The following ANO10 variants were observed in gnomAD, a reference collection of about 807,000 sequenced individuals.
ANO10 encodes anoctamin-10.
ANO10 carries 77 observed loss-of-function variants against 74.7 expected under a neutral mutation model. That is an observed-to-expected ratio of 1.03 (90% CI 0.86 to 1.25). The LOEUF (loss-of-function observed/expected upper bound fraction) is 1.25, where lower values mean the gene tolerates loss of function less well. Among genes scored for constraint, ANO10 ranks in the 50% most tolerant of loss-of-function variants. The pLI is 0.00. For synonymous variants in ANO10, 279 were observed against 284.9 expected (o/e 0.98, Z 0.21); for missense variants, 721 against 778.1 (o/e 0.93, Z 0.87).
intron 5 of ANO10, 119 bp downstream of exon 5, chr3:43,580,234 G>C: frequency 7.4e-7 from 1 of 1,346,036 alleles, no homozygotes; most frequent in Non-Finnish European, 1.1e-6. Flanking sequence ...ACATGTAGCT[G>C]GTGATCCCTG....
intron 11 of ANO10, chr3:43,485,780 G>T: frequency 4.0e-6 from 1 of 248,678 alleles, no homozygotes; most frequent in South Asian, 4.3e-5. Flanking sequence ...ATGATTAGGC[G>T]CAAAGATTTG....
intron 12 of ANO10, among the ~76,000 whole-genome samples, chr3:43,379,203 C>T (rs1464630806): frequency 6.6e-6 from 1 of 152,226 alleles, no homozygotes; most frequent in African/African-American, 2.4e-5. Context: ...TCTTGGGATA[C>T]ATACAGCACT....
chr3:43,543,531 G>T (rs2079046817), intron 11 of ANO10, among the ~76,000 whole-genome samples: 1 of 152,156 alleles, frequency 6.6e-6, no homozygotes, highest in African/African-American at 2.4e-5. Context: ...TGGGACTACA[G>T]GCGCCCGCCA....
intron 11 of ANO10, among the ~76,000 whole-genome samples, chr3:43,453,184 T>C (rs971887626): frequency 1.7e-4 from 26 of 150,964 alleles, no homozygotes; most frequent in South Asian, 4.2e-4. Context: ...TCCCCCTTTT[T>C]TTTTTTTTTT....
chr3:43,530,669 T>G (rs949546949), intron 11 of ANO10, among the ~76,000 whole-genome samples: 1 of 152,054 alleles, frequency 6.6e-6, no homozygotes, highest in Non-Finnish European at 1.5e-5. Flanking sequence ...AGAGACCCCA[T>G]GTTCACATAA....
At chr3:43,617,033 C>T (rs1016136734) in intron 1 of ANO10, among the ~76,000 whole-genome samples, 8 of 150,944 alleles carry the variant, frequency 5.3e-5, no homozygotes, top group African/African-American at 1.5e-4. Context: ...GGCTCAATGA[C>T]GTAAATATCA....
At chr3:43,675,289 T>C (rs148146534) in intron 1 of ANO10, among the ~76,000 whole-genome samples, 2 of 152,166 alleles carry the variant, frequency 1.3e-5, no homozygotes, top group African/African-American at 4.8e-5. Flanking sequence ...GAAAAAAACA[T>C]AGGAGAAACA....
chr3:43,612,180 A>ATATATATATATATATG (rs2082865643), intron 1 of ANO10, among the ~76,000 whole-genome samples: 1 of 124,566 alleles, frequency 8.0e-6, no homozygotes, highest in Non-Finnish European at 1.7e-5. Flanking sequence ...ATATATATAT[A>ATATATATATATATATG]TATATGCCCA....
intron 12 of ANO10, among the ~76,000 whole-genome samples, chr3:43,372,020 A>G (rs2091630499): frequency 6.6e-6 from 1 of 152,212 alleles, no homozygotes; most frequent in Non-Finnish European, 1.5e-5. Context: ...GCAGCCTGTC[A>G]GGCGGTCCTG....
In ANO10 at chr3:43,366,942, C is replaced by T. The variant is rs1306204216; in HGVS notation, c.1947G>A (p.Glu649=). Residue 649 remains glutamate (E), a synonymous_variant, in exon 13 of 13, where the codon GAG becomes GAA. Coordinates refer to ENST00000292246, the MANE Select transcript of ANO10 (RefSeq NM_018075.5). ...QMKLVTENLK[E]EPMESGKEKA... is the part of the protein sequence containing the mutation. ...TCTCCTTCCCGCTTTCCATTGGTTC[C>T]TCCTTCAGGTTCTCGGTCACGAGCT... The T allele has an allele frequency of 1.2e-6, 2 of 1,601,672 alleles. No individual in the cohort carries two copies. Among genetic ancestry groups the T allele is most frequent in the South Asian group, 1.1e-5 (1 of 88,584 alleles).
chr3:43,529,524 A>G (rs1294337779), intron 11 of ANO10, among the ~76,000 whole-genome samples: 1 of 152,184 alleles, frequency 6.6e-6, no homozygotes, highest in Non-Finnish European at 1.5e-5. Context: ...TCATAGAACA[A>G]AGGGGAAAAG....
intron 1 of ANO10, among the ~76,000 whole-genome samples, chr3:43,619,944 C>T (rs892119003): frequency 6.6e-5 from 10 of 150,894 alleles, no homozygotes; most frequent in African/African-American, 1.5e-4. Context: ...AAAACTCATA[C>T]ACATTAAAAA....
intron 2 of ANO10, among the ~76,000 whole-genome samples, chr3:43,602,363 T>C (rs2082372995): frequency 6.6e-6 from 1 of 152,130 alleles, no homozygotes; most frequent in Non-Finnish European, 1.5e-5. Context: ...TTTGAGACAG[T>C]GTCTCACTCT....
At chr3:43,519,833 C>T (rs568698422) in intron 11 of ANO10, among the ~76,000 whole-genome samples, 4 of 152,092 alleles carry the variant, frequency 2.6e-5, no homozygotes, top group Non-Finnish European at 5.9e-5. Flanking sequence ...CTGAACTTTA[C>T]ATTTTTCTTA....
At chr3:43,671,055 CCTCT>C (rs2084053475) in intron 1 of ANO10, among the ~76,000 whole-genome samples, 1 of 152,074 alleles carries the variant, frequency 6.6e-6, no homozygotes, top group African/African-American at 2.4e-5. Context: ...AGTAATAGAA[CCTCT>C]CTATTCTCTG....
intron 3 of ANO10, among the ~76,000 whole-genome samples, chr3:43,599,874 C>T (rs905891897): frequency 3.3e-5 from 5 of 151,656 alleles, no homozygotes; most frequent in Non-Finnish European, 7.4e-5. Context: ...CCACTGCACT[C>T]CAGCCTGGGC....
chr3:43,507,936 G>A lies in ANO10; in HGVS notation c.1797+41784C>T, dbSNP rs2077358573. On this transcript the variant is annotated intron_variant, in intron 11 of 12. Transcript: ENST00000292246. ...CAAACAAAAAGGAAATGTTCTAGGTGTTTGTAAAAGGCAAGAGAAAAATGT... is the reference window on the plus strand; with the variant it reads ...CAAACAAAAAGGAAATGTTCTAGGTATTTGTAAAAGGCAAGAGAAAAATGT... Among the ~76,000 whole-genome samples, 2 of 152,104 alleles carry A rather than the reference G, an allele frequency of 1.3e-5. 1 individual carries two copies. The highest frequency in any genetic ancestry group is 1.3e-4 in the Admixed American group (2 of 15,280).
chr3:43,422,927 C>T (rs1259255822), intron 12 of ANO10, among the ~76,000 whole-genome samples: 1 of 152,104 alleles, frequency 6.6e-6, no homozygotes, highest in African/African-American at 2.4e-5. Flanking sequence ...ACATAAAATA[C>T]AGGAGGAAAA....
intron 1 of ANO10, among the ~76,000 whole-genome samples, chr3:43,614,801 A>ATATATATATATATATCTATG (rs61457264): frequency 1.0e-5 from 1 of 99,386 alleles, no homozygotes; most frequent in Non-Finnish European, 2.1e-5. Flanking sequence ...ATATATATAT[A>ATATATATATATATATCTATG]TAGGTTCATT....
Sources: allele counts gnomAD v4.1 joint callset (sites outside exome capture counted in the v4.1 genomes callset), GRCh38; gene constraint gnomAD v4.1.1; transcripts MANE v1.5; gene names NCBI Gene and HGNC (gene_info 2026-07-23, HGNC 2026-07-21).